The following TYMS variants were observed in gnomAD, a reference collection of about 807,000 sequenced individuals.
The protein encoded by TYMS is thymidylate synthetase.
In TYMS, 21 loss-of-function variants were observed where a neutral mutation model predicts 39.3. The observed-to-expected ratio is 0.54, with a 90% CI of 0.38 to 0.77. The LOEUF (loss-of-function observed/expected upper bound fraction) is 0.77, where lower values mean the gene tolerates loss of function less well. TYMS is among the 30% of genes least tolerant of loss of function. The pLI is 0.00. For synonymous variants in TYMS, 171 were observed against 162.2 expected (o/e 1.05, Z -0.41); for missense variants, 273 against 406.7 (o/e 0.67, Z 2.83).
At chr18:669,314 A>G (rs568421222) in intron 4 of TYMS, 141 bp downstream of exon 4, 6 of 614,386 alleles carry the variant, frequency 9.8e-6, no homozygotes, top group African/African-American at 7.4e-5. Flanking sequence ...ACGTTGGGCA[A>G]GTCACATTTT....
chr18:667,456 ATGATGGAGATGGTGATGGT>A (rs1567990674), intron 3 of TYMS, among the ~76,000 whole-genome samples: 2 of 1,150 alleles, frequency 1.7e-3, no homozygotes, highest in Admixed American at 0.011. Context: ...GGTGATGGTG[ATGATGGAGATGGTGATGGT>A]GATGGTGATG....
At chr18:671,554 C>CT in intron 6 of TYMS, 103 bp downstream of exon 6, 1 of 817,364 alleles carries the variant, frequency 1.2e-6, no homozygotes, top group Non-Finnish European at 2.1e-6. Context: ...ATAAAGATGA[C>CT]TGCTCCAAAT....
Position 658,240 on chromosome 18 carries a change from G to C in TYMS, c.205+293G>C. 6.7e-7 allele frequency: 1 copy of C among 1,488,180 alleles called. No individual in the cohort carries two copies. Among genetic ancestry groups the C allele is most frequent in the South Asian group, 1.2e-5 (1 of 83,116 alleles). The allele number at this position is 1,488,180 out of a possible 1,614,324, so 92.2% of individuals were successfully genotyped here. A position where few individuals can be genotyped will look rare whatever the true frequency, so the allele number is the denominator to read the frequency against. On this transcript the variant is annotated intron_variant, in intron 1 of 6. Coordinates refer to ENST00000323274, the MANE Select transcript of TYMS (RefSeq NM_001071.4). This position sits in a 1 kb window ranked among gnomAD's most constrained non-coding sequence, Gnocchi z 4.5. ...CAGTGATGCCGTGGCCCCCGAGGCGGGCGTCATCGGGCAGCGTTTGCCCAG... is the reference window on the plus strand; with the variant it reads ...CAGTGATGCCGTGGCCCCCGAGGCGCGCGTCATCGGGCAGCGTTTGCCCAG...
At position 660,534 on chromosome 18, in the gene TYMS, C is replaced by T. The variant is rs2074746713; in HGVS notation, c.279+820C>T. Among the ~76,000 whole-genome samples the T allele has an allele frequency of 6.6e-6, 1 of 152,204 alleles. No homozygotes were observed. The highest frequency in any genetic ancestry group is 2.1e-4 in the South Asian group (1 of 4,826). ...ACTGTTGTATCGCCAGGGCCTCAAA[C>T]ACAGCCTGCCACATAGTAGGAGTCA... is the stretch of plus-strand genomic sequence containing the variant. On this transcript the variant is annotated intron_variant, in intron 2 of 6. Transcript: ENST00000323274. The surrounding 1 kb of genome is among the most constrained non-coding windows in gnomAD (Gnocchi z 4.6).
intron 4 of TYMS, chr18:670,421 C>G: frequency 2.7e-6 from 1 of 370,332 alleles, no homozygotes; most frequent in Non-Finnish European, 4.9e-6. Flanking sequence ...AATCTGGTGC[C>G]ACGAGGTAGC....
At chr18:662,347 T>A (rs776804464) in intron 3 of TYMS, 27 bp downstream of exon 3, 60 of 1,573,802 alleles carry the variant, frequency 3.8e-5, no homozygotes, top group Non-Finnish European at 2.0e-5. Context: ...ATGCCTTCCA[T>A]TTCCCGGGTG....
chr18:658,254 G>T lies in TYMS; in HGVS notation c.205+307G>T. On this transcript the variant is annotated intron_variant, in intron 1 of 6. Transcript: ENST00000323274. The surrounding 1 kb of genome is among the most constrained non-coding windows in gnomAD (Gnocchi z 4.5). Reference sequence around the variant, plus strand: ...CCCCCGAGGCGGGCGTCATCGGGCAGCGTTTGCCCAGTGCTGGAGGGTTAG... The same window carrying T: ...CCCCCGAGGCGGGCGTCATCGGGCATCGTTTGCCCAGTGCTGGAGGGTTAG... 1 of 1,472,380 alleles carries T rather than the reference G, an allele frequency of 6.8e-7. No homozygotes were observed. Among genetic ancestry groups the T allele is most frequent in the Non-Finnish European group, 9.1e-7 (1 of 1,096,378 alleles). The allele number at this position is 1,472,380 out of a possible 1,614,324, so 91.2% of individuals were successfully genotyped here.
chr18:657,665 TC>T lies in TYMS; in HGVS notation c.-76del, dbSNP rs2074698517. ...CTGCCACCGCGCCACTTGGCCTGCC[TC>T]CGTCCCGCCGCGCCACTTGGCCTGC... On this transcript the variant is annotated 5_prime_UTR_variant, in exon 1 of 7. Coordinates refer to ENST00000323274, the MANE Select transcript of TYMS (RefSeq NM_001071.4). 1.4e-4 allele frequency: 45 copies of T among 311,016 alleles called. 1 individual carries two copies. Among genetic ancestry groups the T allele is most frequent in the Admixed American group, 3.7e-4 (3 of 8,110 alleles). The allele number at this position is 311,016 out of a possible 1,614,324, so 19.3% of individuals were successfully genotyped here.
chr18:658,354 G>A lies in TYMS; in HGVS notation c.205+407G>A. Reference sequence around the variant, plus strand: ...GGCCCCTCCTCCGTTTTCCCCTGTGGACCATTCCGCTTCGCAGCGTTTTCA... The same window carrying A: ...GGCCCCTCCTCCGTTTTCCCCTGTGAACCATTCCGCTTCGCAGCGTTTTCA... On this transcript the variant is annotated intron_variant, in intron 1 of 6. Transcript: ENST00000323274. The surrounding 1 kb of genome is among the most constrained non-coding windows in gnomAD (Gnocchi z 4.5). The A allele has an allele frequency of 7.6e-7, 1 of 1,310,572 alleles. No homozygotes were observed. 81.2% of individuals were successfully genotyped at this position (1,310,572 alleles called of 1,614,324 possible).
chr18:670,998 G>T (rs1210605705), intron 5 of TYMS, 131 bp downstream of exon 5: 10 of 1,106,672 alleles, frequency 9.0e-6, no homozygotes, highest in Non-Finnish European at 1.3e-5. Context: ...AGTAAGAAAT[G>T]AACCAGCTTT....
chr18:662,251 G>T lies in TYMS; in HGVS notation c.385G>T (p.Gly129Trp). ...DSLGFSTREE[G>W]DLGPVYGFQW... Reference sequence around the variant, plus strand: ...CCTGGGATTCTCCACCAGAGAAGAAGGGGACTTGGGCCCAGTTTATGGCTT... The same window carrying T: ...CCTGGGATTCTCCACCAGAGAAGAATGGGACTTGGGCCCAGTTTATGGCTT... The change falls in exon 3 of 7, where the codon GGG becomes TGG. Residue 129 changes from glycine (G) to tryptophan (W), a missense_variant. By Grantham distance (184) the Gly-to-Trp change is radical. Around this residue, in one of 3 missense-constraint regions of TYMS, gnomAD observed 228 missense variants for 326.1 expected, o/e 0.70. Coordinates refer to ENST00000323274, the MANE Select transcript of TYMS (RefSeq NM_001071.4). The T allele has an allele frequency of 1.2e-6, 2 of 1,614,106 alleles. No homozygotes were observed. Among genetic ancestry groups the T allele is most frequent in the Non-Finnish European group, 1.7e-6 (2 of 1,180,000 alleles).
intron 3 of TYMS, among the ~76,000 whole-genome samples, chr18:666,987 TGATGGTGATGGA>T (rs1567989727): frequency 1.3e-3 from 7 of 5,292 alleles, no homozygotes; most frequent in East Asian, 5.6e-3. Flanking sequence ...ATGGAGATGG[TGATGGTGATGGA>T]GATGGTGATG....
At chr18:669,953 C>T (rs1567993117) in intron 4 of TYMS, among the ~76,000 whole-genome samples, 2 of 151,674 alleles carry the variant, frequency 1.3e-5, no homozygotes, top group South Asian at 4.2e-4. Flanking sequence ...CAGAGTGAGA[C>T]CCTGAATATT....
At chr18:663,335 T>C (rs1179975027) in intron 3 of TYMS, among the ~76,000 whole-genome samples, 1 of 98,262 alleles carries the variant, frequency 1.0e-5, no homozygotes, top group African/African-American at 6.3e-5. Context: ...TGTCTGTTCA[T>C]GTCCTTCGCC....
At chr18:671,724 A>G in intron 6 of TYMS, 1 of 472,392 alleles carries the variant, frequency 2.1e-6, no homozygotes. Context: ...ATTGTCCAAA[A>G]GGGGGCATTT....
chr18:663,919 G>T (rs2074781723), intron 3 of TYMS, among the ~76,000 whole-genome samples: 1 of 107,970 alleles, frequency 9.3e-6, no homozygotes, highest in Non-Finnish European at 1.8e-5. Flanking sequence ...GGTTACTGTA[G>T]CCTTGTAGTA....
intron 4 of TYMS, 42 bp downstream of exon 4, chr18:669,215 C>T: frequency 6.4e-7 from 1 of 1,562,446 alleles, no homozygotes; most frequent in Non-Finnish European, 8.8e-7. Flanking sequence ...TAACCATACT[C>T]TTAGAGGGAA....
chr18:667,529 A>T (rs368484830), intron 3 of TYMS, among the ~76,000 whole-genome samples: 207 of 16,868 alleles, frequency 0.012, 1 homozygote, highest in East Asian at 0.037. Context: ...ATGGTGATGG[A>T]GATGGTGATG....
intron 3 of TYMS, among the ~76,000 whole-genome samples, chr18:665,427 A>G (rs1413574379): frequency 1.3e-5 from 2 of 151,186 alleles, no homozygotes; most frequent in Non-Finnish European, 2.9e-5. Flanking sequence ...TAGTCTTGCT[A>G]GCGGTCTATA....
Sources: gnomAD v4.1 joint callset for allele counts (sites outside exome capture counted in the v4.1 genomes callset) on GRCh38, gnomAD v4.1.1 for gene constraint, gnomAD v4.1.1 regional missense constraint, Gnocchi (gnomAD v3.1) non-coding constraint, MANE v1.5 for transcripts, NCBI Gene and HGNC (gene_info 2026-07-23, HGNC 2026-07-21) for gene names.